IQCM: variants seen among roughly 807,000 people sequenced by gnomAD.
IQCM encodes IQ motif containing M.
IQCM carries 45 observed loss-of-function variants against 57.6 expected under a neutral mutation model. The observed-to-expected ratio is 0.78, with a 90% CI of 0.62 to 1.00. The LOEUF (loss-of-function observed/expected upper bound fraction) is 1.00, where lower values mean the gene tolerates loss of function less well. Ranked by LOEUF, IQCM falls within the 50% of genes least tolerant of loss-of-function variation. The pLI is 0.00. For missense variants in IQCM, 468 were observed against 511.6 expected (o/e 0.91, Z 0.82); for synonymous variants, 148 against 158.9 (o/e 0.93, Z 0.51).
intron 13 of IQCM, among the ~76,000 whole-genome samples, chr4:149,375,267 T>C (rs1730632459): frequency 6.6e-6 from 1 of 152,148 alleles, no homozygotes; most frequent in Non-Finnish European, 1.5e-5. Context: ...TGACCGAAAC[T>C]ACATTCAGCT....
chr4:149,648,965 T>C (rs1758908909), intron 7 of IQCM, among the ~76,000 whole-genome samples: 1 of 152,094 alleles, frequency 6.6e-6, no homozygotes. Flanking sequence ...TTACCTTTAT[T>C]CAATATGGTT....
chr4:149,409,647 T>G (rs1733231614), intron 13 of IQCM, among the ~76,000 whole-genome samples: 1 of 152,322 alleles, frequency 6.6e-6, no homozygotes, highest in Non-Finnish European at 1.5e-5. Flanking sequence ...GTGCAAACGC[T>G]TCTGAACAGC....
intron 12 of IQCM, among the ~76,000 whole-genome samples, chr4:149,453,666 A>C (rs1423023823): frequency 6.6e-6 from 1 of 151,988 alleles, no homozygotes; most frequent in African/African-American, 2.4e-5. Flanking sequence ...CCACAATGAG[A>C]TACCACTTCA....
chr4:149,657,355 T>C (rs1759730149), intron 7 of IQCM, among the ~76,000 whole-genome samples: 1 of 152,218 alleles, frequency 6.6e-6, no homozygotes, highest in South Asian at 2.1e-4. Context: ...TTCATTCTTT[T>C]TATAGCTGAA....
intron 3 of IQCM, chr4:149,737,481 ATTCT>A (rs1468124117): frequency 2.6e-5 from 4 of 152,172 alleles, no homozygotes; most frequent in Non-Finnish European, 5.9e-5. Flanking sequence ...TTGATTCGAA[ATTCT>A]TTCAAGTTTG....
chr4:149,751,639 T>C (rs1228795592), intron 2 of IQCM, among the ~76,000 whole-genome samples: 2 of 152,236 alleles, frequency 1.3e-5, no homozygotes, highest in Non-Finnish European at 2.9e-5. Flanking sequence ...ACCAAATGAA[T>C]GAATGTCTAA....
intron 7 of IQCM, among the ~76,000 whole-genome samples, chr4:149,660,296 C>A (rs1371761956): frequency 6.6e-6 from 1 of 152,116 alleles, no homozygotes; most frequent in African/African-American, 2.4e-5. Flanking sequence ...CACCTCACAC[C>A]AGTTAGAATG....
chr4:149,652,510 G>T (rs1172158821), intron 7 of IQCM, among the ~76,000 whole-genome samples: 1 of 151,618 alleles, frequency 6.6e-6, no homozygotes, highest in Non-Finnish European at 1.5e-5. Flanking sequence ...AAGATTTTGG[G>T]GGCAAAAAGG....
chr4:149,653,884 T>G (rs1200053806), intron 7 of IQCM, among the ~76,000 whole-genome samples: 1 of 152,082 alleles, frequency 6.6e-6, no homozygotes. Context: ...TCTACTCAAT[T>G]GTAACTGGGA....
At chr4:149,757,041 G>A (rs1462315452) in intron 2 of IQCM, among the ~76,000 whole-genome samples, 5 of 152,228 alleles carry the variant, frequency 3.3e-5, no homozygotes, top group South Asian at 2.1e-4. Context: ...GGTGGATCAC[G>A]AGGTCAGGAG....
At chr4:149,433,682 T>A (rs540268237) in intron 12 of IQCM, 125 bp from the exon 13 acceptor site, 1 of 348,306 alleles carries the variant, frequency 2.9e-6, no homozygotes, top group Non-Finnish European at 5.0e-6. Context: ...AAAACATGTC[T>A]TTTTTTTTAG....
chr4:149,403,958 T>A (rs990983155), intron 13 of IQCM, among the ~76,000 whole-genome samples: 4 of 151,920 alleles, frequency 2.6e-5, no homozygotes, highest in Non-Finnish European at 5.9e-5. Context: ...AGGAGAGAAA[T>A]GAGTCAAGCA....
At chr4:149,475,980 C>T (rs565048171) in intron 12 of IQCM, among the ~76,000 whole-genome samples, 1 of 151,908 alleles carries the variant, frequency 6.6e-6, no homozygotes, top group South Asian at 2.1e-4. Context: ...AGTTTTGCTG[C>T]AAAAGAAGTG....
rs190101613 is a variant in IQCM, at chr4:149,696,590, C to T, written c.386-10122G>A. On this transcript the variant is annotated intron_variant, in intron 5 of 13. Coordinates refer to ENST00000636793, the MANE Select transcript of IQCM (RefSeq NM_001363507.2). ...TTTCAGACTTATGTATGCATTAATT[C>T]GTATCTCAAATATAATCTATTTAAT... Among the ~76,000 whole-genome samples, 17 of 152,210 alleles carry T rather than the reference C, an allele frequency of 1.1e-4. No homozygotes were observed. In the East Asian group the frequency reaches 2.9e-3, roughly 26 times the overall value.
At chr4:149,469,059 G>A (rs1308939280) in intron 12 of IQCM, among the ~76,000 whole-genome samples, 1 of 152,184 alleles carries the variant, frequency 6.6e-6, no homozygotes, top group African/African-American at 2.4e-5. Context: ...CTAAAAATCA[G>A]ATTGGCTCTT....
At chr4:149,391,667 A>G (rs184304173) in intron 13 of IQCM, among the ~76,000 whole-genome samples, 1 of 151,830 alleles carries the variant, frequency 6.6e-6, no homozygotes, top group Non-Finnish European at 1.5e-5. Context: ...AAGTTTCAGT[A>G]TGTTGTATTT....
chr4:149,658,351 C>T (rs995753976), intron 7 of IQCM, among the ~76,000 whole-genome samples: 1 of 151,596 alleles, frequency 6.6e-6, no homozygotes, highest in Non-Finnish European at 1.5e-5. Context: ...GTTTTGTTCC[C>T]TTGGTCTATG....
At chr4:149,589,540 T>C (rs1429087952) in intron 8 of IQCM, among the ~76,000 whole-genome samples, 2 of 152,020 alleles carry the variant, frequency 1.3e-5, no homozygotes, top group East Asian at 3.9e-4. Flanking sequence ...AAATCTCTTT[T>C]ACTGAGTTAA....
chr4:149,583,511 G>A lies in IQCM; in HGVS notation c.749+4419C>T, dbSNP rs182488502. ...TTTTTAAAAACAATTATGAGCTTTC[G>A]AAGTTCAACAAAAGGAAAATTTATC... On this transcript the variant is annotated intron_variant, in intron 9 of 13. Coordinates refer to ENST00000636793, the MANE Select transcript of IQCM (RefSeq NM_001363507.2). Among the ~76,000 whole-genome samples the A allele has an allele frequency of 1.5e-3, 224 of 151,424 alleles. 1 individual carries two copies. Among genetic ancestry groups the A allele is most frequent in the African/African-American group, 5.2e-3 (215 of 41,432 alleles).
Sources: allele counts gnomAD v4.1 joint callset (sites outside exome capture counted in the v4.1 genomes callset), GRCh38; gene constraint gnomAD v4.1.1; transcripts MANE v1.5; gene names NCBI Gene and HGNC (gene_info 2026-07-23, HGNC 2026-07-21).